The following CTBP2 variants were observed in gnomAD, a reference collection of about 807,000 sequenced individuals.
The protein encoded by CTBP2 is C-terminal-binding protein 2.
A neutral mutation model predicts 80.3 loss-of-function variants in CTBP2; 30 were observed. That is an observed-to-expected ratio of 0.37 (90% CI 0.28 to 0.51). The LOEUF is 0.51. CTBP2 is among the 20% of genes least tolerant of loss of function. The probability of loss-of-function intolerance (pLI) is 0.93; values close to 1 mark genes in which losing one functional copy is unlikely to be tolerated. For synonymous variants in CTBP2, 594 were observed against 587.4 expected (o/e 1.01, Z -0.16); for missense variants, 1,212 against 1,375.3 (o/e 0.88, Z 1.88).
intron 1 of CTBP2, among the ~76,000 whole-genome samples, chr10:125,128,082 C>T (rs995868155): frequency 2.0e-5 from 3 of 152,166 alleles, no homozygotes; most frequent in Non-Finnish European, 4.4e-5. Context: ...GCCCATGAGG[C>T]TAGCACACCC....
rs368936507 is a variant in CTBP2, at chr10:125,013,060, G to A, written c.1679-9568C>T. ...CAGCAAAGAATGCTATGACTATGGC[G>A]ATGGGCCTTCTGTCTCGAGGGTGGC... On this transcript the variant is annotated intron_variant, in intron 1 of 8. Coordinates refer to ENST00000309035, the MANE Select transcript of CTBP2 (RefSeq NM_022802.3). Among the ~76,000 whole-genome samples, 22 of 152,122 alleles carry A rather than the reference G, an allele frequency of 1.4e-4. 1 individual carries two copies. The highest frequency in any genetic ancestry group is 7.7e-4 in the East Asian group (4 of 5,176).
chr10:125,122,351 G>T (rs1433301428), intron 1 of CTBP2, among the ~76,000 whole-genome samples: 1 of 152,214 alleles, frequency 6.6e-6, no homozygotes, highest in South Asian at 2.1e-4. Context: ...TGCAGGGCAA[G>T]CGTGCTTTCT....
At chr10:125,144,670 T>C (rs1010173487) in intron 1 of CTBP2, among the ~76,000 whole-genome samples, 4 of 152,204 alleles carry the variant, frequency 2.6e-5, no homozygotes, top group South Asian at 2.1e-4. Context: ...AGGTTAAGCA[T>C]ATTTGCCTGC....
At chr10:125,062,376 C>T (rs11245486) in intron 2 of CTBP2, among the ~76,000 whole-genome samples, 54,981 of 151,966 alleles carry the variant, frequency 0.36, 12,141 homozygotes, top group African/African-American at 0.63. Flanking sequence ...TGTAAGAGAA[C>T]GCACGTGAAA....
At chr10:125,159,796 G>A (rs1319018094) in intron 1 of CTBP2, 3 of 150,086 alleles carry the variant, frequency 2.0e-5, no homozygotes, top group East Asian at 2.0e-4. Context: ...CGGCCGTATT[G>A]TCCCCGCGGC....
chr10:125,155,903 A>T (rs1331746503), intron 1 of CTBP2, among the ~76,000 whole-genome samples: 1 of 152,192 alleles, frequency 6.6e-6, no homozygotes, highest in African/African-American at 2.4e-5. Flanking sequence ...CAGTCTCTAA[A>T]AGTGTATCCA....
rs4020629 is a variant in CTBP2 at position 125,066,074 on chromosome 10, C to CAAAA, written c.-101-26923_-101-26920dup. Among the ~76,000 whole-genome samples the CAAAA allele has an allele frequency of 7.2e-6, 1 of 137,992 alleles. No homozygotes were observed. The allele number at this position is 137,992 out of a possible 152,430, so 90.5% of individuals were successfully genotyped here. A position where few individuals can be genotyped will look rare whatever the true frequency, so the allele number is the denominator to read the frequency against. ...CCTGATTGTGCCATGGCACTCTAGC[C>CAAAA]AAAAAAAAAAAGCCGTCATCTTCTT... On this transcript the variant is annotated intron_variant, in intron 2 of 10. Transcript: ENST00000337195. The surrounding 1 kb of genome is among the most constrained non-coding windows in gnomAD (Gnocchi z 4.1).
At chr10:125,056,474 G>A (rs769847044) in intron 2 of CTBP2, among the ~76,000 whole-genome samples, 1 of 152,180 alleles carries the variant, frequency 6.6e-6, no homozygotes, top group Non-Finnish European at 1.5e-5. Flanking sequence ...CTCCACCCCA[G>A]ATGCCTTCAG....
intron 1 of CTBP2, among the ~76,000 whole-genome samples, chr10:125,003,973 C>T (rs1018564968): frequency 6.6e-6 from 1 of 152,198 alleles, no homozygotes; most frequent in South Asian, 2.1e-4. Context: ...GGAGAAATGG[C>T]GGGTCTGGGG....
At chr10:125,022,299 T>C (rs1470994898) in intron 1 of CTBP2, among the ~76,000 whole-genome samples, 1 of 152,236 alleles carries the variant, frequency 6.6e-6, no homozygotes, top group Non-Finnish European at 1.5e-5. Flanking sequence ...GTGCCTGCTA[T>C]ACATAGTCAC....
chr10:125,056,460 C>A (rs745836464), intron 2 of CTBP2, among the ~76,000 whole-genome samples: 16 of 152,200 alleles, frequency 1.1e-4, no homozygotes, highest in Non-Finnish European at 2.2e-4. Context: ...TACACACACT[C>A]CCCCTCCACC....
At chr10:125,157,073 G>A (rs1861049535) in intron 1 of CTBP2, among the ~76,000 whole-genome samples, 1 of 152,132 alleles carries the variant, frequency 6.6e-6, no homozygotes, top group Non-Finnish European at 1.5e-5. Flanking sequence ...AGTAGTGTTT[G>A]TTTTTAACTA....
At position 125,155,404 on chromosome 10, in the gene CTBP2, T is replaced by C. The variant is rs552663031; in HGVS notation, c.-206+4915A>G. Among the ~76,000 whole-genome samples, 332 of 129,928 alleles carry C rather than the reference T, an allele frequency of 2.6e-3. 1 individual carries two copies. Among genetic ancestry groups the C allele is most frequent in the Admixed American group, 7.3e-3 (98 of 13,498 alleles). 85.2% of individuals were successfully genotyped at this position (129,928 alleles called of 152,430 possible). On this transcript the variant is annotated intron_variant, in intron 1 of 10. Coordinates refer to the CTBP2 transcript ENST00000337195. Reference sequence around the variant, plus strand: ...TCTGTATTCATTTGTGAATCCCCCCTTTTTTTTTTTACACAATGTGCAAAG... The same window carrying C: ...TCTGTATTCATTTGTGAATCCCCCCCTTTTTTTTTTACACAATGTGCAAAG...
At chr10:125,129,588 G>A (rs559319071) in intron 1 of CTBP2, among the ~76,000 whole-genome samples, 25 of 152,234 alleles carry the variant, frequency 1.6e-4, no homozygotes, top group Middle Eastern at 3.4e-3. Context: ...CGGGGGTGGT[G>A]TGCACATTCA....
intron 2 of CTBP2, among the ~76,000 whole-genome samples, chr10:125,086,613 TAAAAAAAAAA>T (rs66522424): frequency 2.6e-5 from 3 of 116,426 alleles, no homozygotes; most frequent in East Asian, 2.9e-4. Flanking sequence ...AAATTTTATT[TAAAAAAAAAA>T]AAAAAAAAAA....
chr10:125,140,545 G>A (rs1433697174), intron 1 of CTBP2, among the ~76,000 whole-genome samples: 8 of 152,174 alleles, frequency 5.3e-5, no homozygotes, highest in African/African-American at 1.4e-4. Context: ...ATCAAGGGCC[G>A]GGTGCAGTGG....
intron 3 of CTBP2, among the ~76,000 whole-genome samples, chr10:125,033,721 C>T (rs1484220186): frequency 2.6e-5 from 4 of 152,126 alleles, no homozygotes; most frequent in Non-Finnish European, 4.4e-5. Flanking sequence ...CACTGCTCCC[C>T]TCAAGGCACT....
In CTBP2 at chr10:125,026,448, C is replaced by T. The variant is rs781013549; in HGVS notation, c.1312G>A (p.Gly438Arg). 89 of 1,600,234 alleles carry T rather than the reference C, an allele frequency of 5.6e-5. No homozygotes were observed. Among genetic ancestry groups the T allele is most frequent in the Non-Finnish European group, 6.7e-5 (79 of 1,170,668 alleles). ...GCGCAAGGGGTGGGAGAGCTGTACC[C>T]GGAGTTGGAGGGGAAGTGTGGGGCA... Residue 438 changes from glycine (G) to arginine (R), a missense_variant, in exon 1 of 9, where the codon GGG (glycine) becomes AGG (arginine). Gly to Arg is a moderately radical substitution (Grantham distance 125). Transcript: ENST00000309035.
chr10:125,011,605 A>AC (rs951027622), intron 1 of CTBP2, among the ~76,000 whole-genome samples: 4 of 151,522 alleles, frequency 2.6e-5, no homozygotes, highest in African/African-American at 9.7e-5. Flanking sequence ...CAAAATACAA[A>AC]CCCCCCTGAA....
Sources: allele counts gnomAD v4.1 joint callset (sites outside exome capture counted in the v4.1 genomes callset), GRCh38; gene constraint gnomAD v4.1.1; non-coding constraint Gnocchi (gnomAD v3.1); transcripts MANE v1.5; gene names NCBI Gene and HGNC (gene_info 2026-07-23, HGNC 2026-07-21).